The following EBAG9 variants were observed in gnomAD, a reference collection of about 807,000 sequenced individuals.
EBAG9 encodes the protein estrogen receptor binding site associated antigen 9.
EBAG9 carries 16 observed loss-of-function variants against 30.9 expected under a neutral mutation model. The ratio of observed to expected loss-of-function variants is 0.52; its 90% confidence interval spans 0.35 to 0.79. The LOEUF is 0.79. Ranked by LOEUF, EBAG9 falls within the 30% of genes least tolerant of loss-of-function variation. The pLI is 0.01. For missense variants in EBAG9, 197 were observed against 242.1 expected, an observed-to-expected ratio of 0.81 and a Z score of 1.24; for synonymous variants, 93 against 82.8, an observed-to-expected ratio of 1.12 and a Z score of -0.67.
intron 6 of EBAG9, 96 bp from the exon 7 acceptor site, chr8:109,564,343 G>A: frequency 1.4e-6 from 2 of 1,440,566 alleles, no homozygotes; most frequent in Middle Eastern, 1.8e-4. Context: ...CATTTTATTT[G>A]GTGATAATAA....
chr8:109,551,210 A>G (rs1444660583), intron 2 of EBAG9, among the ~76,000 whole-genome samples: 1 of 151,984 alleles, frequency 6.6e-6, no homozygotes, highest in Non-Finnish European at 1.5e-5. Context: ...ACTTTGATGT[A>G]TTCGTTTCAT....
upstream of EBAG9, chr8:109,539,835 A>C (rs964463128): frequency 6.6e-6 from 1 of 152,094 alleles, no homozygotes; most frequent in Non-Finnish European, 1.5e-5. Context: ...AGAGACAGGC[A>C]GCGCGCGTGA....
Position 109,564,681 on chromosome 8 carries a change from G to GCGA in EBAG9, c.*123_*124insGAC. ...TGCTTGATTTTAATACATTGATCAG[G>GCGA]CCATCCAGGACACCACGATTCTCCC... On this transcript the variant is annotated 3_prime_UTR_variant, in exon 7 of 7. Coordinates refer to ENST00000337573, the MANE Select transcript of EBAG9 (RefSeq NM_004215.5). The GCGA allele has an allele frequency of 3.3e-5, 46 of 1,405,510 alleles. No individual in the cohort carries two copies. Among genetic ancestry groups the GCGA allele is most frequent in the Middle Eastern group, 1.9e-4 (1 of 5,140 alleles). The allele number at this position is 1,405,510 out of a possible 1,614,324, so 87.1% of individuals were successfully genotyped here. A position where few individuals can be genotyped will look rare whatever the true frequency, so the allele number is the denominator to read the frequency against.
intron 2 of EBAG9, among the ~76,000 whole-genome samples, chr8:109,552,269 A>G (rs1046337784): frequency 6.6e-6 from 1 of 152,170 alleles, no homozygotes; most frequent in African/African-American, 2.4e-5. Flanking sequence ...TTTAAAAAAA[A>G]AAAAAAAATC....
intron 1 of EBAG9, among the ~76,000 whole-genome samples, chr8:109,549,622 A>G (rs914809542): frequency 4.6e-5 from 7 of 152,034 alleles, no homozygotes; most frequent in Admixed American, 1.3e-4. Context: ...TGTCCATTTC[A>G]TCTCACTTGT....
intron 6 of EBAG9, among the ~76,000 whole-genome samples, chr8:109,564,121 TAAG>T (rs1405771301): frequency 6.6e-6 from 1 of 152,076 alleles, no homozygotes; most frequent in Non-Finnish European, 1.5e-5. Flanking sequence ...ATAATCTAAA[TAAG>T]AAGTGTCAGA....
intron 2 of EBAG9, among the ~76,000 whole-genome samples, chr8:109,551,411 C>T (rs1821491930): frequency 6.6e-6 from 1 of 151,998 alleles, no homozygotes; most frequent in Non-Finnish European, 1.5e-5. Flanking sequence ...TGCTTTAGGA[C>T]ATCATCTGTA....
chr8:109,564,509 C>G lies in EBAG9; in HGVS notation c.592C>G (p.Gln198Glu). Residue 198 changes from glutamine (Q) to glutamate (E), a missense_variant, in exon 7 of 7, where the codon CAA becomes GAA. Gln to Glu is a conservative substitution (Grantham distance 29, BLOSUM62 2). Coordinates refer to ENST00000337573, the MANE Select transcript of EBAG9 (RefSeq NM_004215.5). ...QQRKKMEKEAQRLMKKEQNKI... is the reference protein window; with the variant it reads ...QQRKKMEKEAERLMKKEQNKI... Reference sequence around the variant, plus strand: ...AAGGAAGAAAATGGAAAAGGAAGCACAACGGCTAATGAAGAAGGAACAAAA... The same window carrying G: ...AAGGAAGAAAATGGAAAAGGAAGCAGAACGGCTAATGAAGAAGGAACAAAA... 1 of 1,612,654 alleles carries G rather than the reference C, an allele frequency of 6.2e-7. No homozygotes were observed. Among genetic ancestry groups the G allele is most frequent in the South Asian group, 1.1e-5 (1 of 91,032 alleles).
intron 1 of EBAG9, among the ~76,000 whole-genome samples, chr8:109,543,874 TA>T (rs1311701292): frequency 6.6e-6 from 1 of 151,778 alleles, no homozygotes; most frequent in Non-Finnish European, 1.5e-5. Flanking sequence ...CTAGTAAAAA[TA>T]CAAAAATTAG....
intron 5 of EBAG9, among the ~76,000 whole-genome samples, chr8:109,557,506 A>G (rs1407879031): frequency 1.3e-5 from 2 of 152,252 alleles, no homozygotes; most frequent in Non-Finnish European, 2.9e-5. Flanking sequence ...AGCATATCAG[A>G]ATCAGCTTTG....
rs1255404229 is a variant in EBAG9, at chr8:109,550,861, A to G, written c.37A>G (p.Thr13Ala). 2 of 1,602,748 alleles carry G rather than the reference A, an allele frequency of 1.2e-6. No individual in the cohort carries two copies. Among genetic ancestry groups the G allele is most frequent in the South Asian group, 2.2e-5 (2 of 89,496 alleles). ...ITQFRLFKFC[T>A]CLATVFSFLK... ...CCAGTTTCGGTTATTTAAATTTTGT[A>G]CCTGCCTAGCAACAGTATTCTCATT... The change falls in exon 2 of 7, where the codon ACC becomes GCC. Residue 13 changes from threonine to alanine, a missense_variant. By Grantham distance (58) the Thr-to-Ala change is moderately conservative. Coordinates refer to ENST00000337573, the MANE Select transcript of EBAG9 (RefSeq NM_004215.5).
At chr8:109,559,554 G>C (rs1395060482) in intron 5 of EBAG9, among the ~76,000 whole-genome samples, 2 of 152,160 alleles carry the variant, frequency 1.3e-5, no homozygotes, top group Non-Finnish European at 2.9e-5. Context: ...GCTCACACTT[G>C]TAATCCCAGC....
In EBAG9 at chr8:109,550,676, T is replaced by C. The variant is rs1821474877; in HGVS notation, c.-15-134T>C. 5 of 580,154 alleles carry C rather than the reference T, an allele frequency of 8.6e-6. No individual in the cohort carries two copies. In the Middle Eastern group the frequency reaches 7.9e-4, roughly 91 times the overall value. 35.9% of individuals were successfully genotyped at this position (580,154 alleles called of 1,614,324 possible). On this transcript the variant is annotated intron_variant, in intron 1 of 6. Coordinates refer to ENST00000337573, the MANE Select transcript of EBAG9 (RefSeq NM_004215.5). ...TGATTTAAATTATAATTTTAAAATTTACTGTGTTATAGTTTCTAGAGAAAG... is the reference window on the plus strand; with the variant it reads ...TGATTTAAATTATAATTTTAAAATTCACTGTGTTATAGTTTCTAGAGAAAG...
intron 5 of EBAG9, among the ~76,000 whole-genome samples, chr8:109,557,382 T>A (rs1262410391): frequency 1.3e-5 from 2 of 152,222 alleles, no homozygotes; most frequent in African/African-American, 4.8e-5. Context: ...GTTTTCTTCA[T>A]AGAGTGTATT....
chr8:109,553,079 A>G (rs1393828020), intron 2 of EBAG9, among the ~76,000 whole-genome samples: 1 of 148,732 alleles, frequency 6.7e-6, no homozygotes, highest in Non-Finnish European at 1.5e-5. Context: ...TTTTTTTTTT[A>G]TAGATTATTT....
chr8:109,546,322 TTAAAG>T (rs1821383123), intron 1 of EBAG9, among the ~76,000 whole-genome samples: 1 of 151,032 alleles, frequency 6.6e-6, no homozygotes, highest in South Asian at 2.1e-4. Context: ...CTGTATATAA[TTAAAG>T]TATACAATTT....
chr8:109,548,887 C>CTTTTTTTTTTTTTTTT (rs548152043), intron 1 of EBAG9, among the ~76,000 whole-genome samples: 15 of 125,108 alleles, frequency 1.2e-4, no homozygotes, highest in Admixed American at 4.1e-4. Flanking sequence ...TTTCTTTTTT[C>CTTTTTTTTTTTTTTTT]TTTTTTTTTT....
intron 1 of EBAG9, 123 bp from the exon 2 acceptor site, chr8:109,550,687 A>G: frequency 1.6e-6 from 1 of 643,676 alleles, no homozygotes; most frequent in Non-Finnish European, 2.8e-6. Flanking sequence ...ACTGTGTTAT[A>G]GTTTCTAGAG....
intron 2 of EBAG9, among the ~76,000 whole-genome samples, chr8:109,553,446 A>T (rs1229725959): frequency 6.6e-6 from 1 of 152,202 alleles, no homozygotes; most frequent in African/African-American, 2.4e-5. Context: ...AAACTTCTTA[A>T]TAGTTAATCT....
Sources: allele counts gnomAD v4.1 joint callset (sites outside exome capture counted in the v4.1 genomes callset), GRCh38; gene constraint gnomAD v4.1.1; transcripts MANE v1.5; gene names NCBI Gene and HGNC (gene_info 2026-07-23, HGNC 2026-07-21).